Variants in WHRN observed in about 807,000 individuals in gnomAD.
WHRN encodes CASK-interacting protein CIP98.
WHRN carries 41 observed loss-of-function variants against 68.3 expected under a neutral mutation model. The ratio of observed to expected loss-of-function variants is 0.60; its 90% CI spans 0.47 to 0.78. WHRN has a LOEUF of 0.78. Ranked by LOEUF, WHRN falls within the 30% of genes least tolerant of loss-of-function variation. The pLI is 0.00. For synonymous variants in WHRN, 560 were observed against 561.3 expected (o/e 1.00, Z 0.03); for missense variants, 1,243 against 1,244.7 (o/e 1.00, Z 0.02).
At chr9:114,463,652 A>C (rs1402200073) in intron 3 of WHRN, among the ~76,000 whole-genome samples, 1 of 152,154 alleles carries the variant, frequency 6.6e-6, no homozygotes, top group African/African-American at 2.4e-5. Flanking sequence ...ATAAACAGGA[A>C]CTCTCGGCAA....
chr9:114,486,307 C>T (rs956937639), intron 1 of WHRN, among the ~76,000 whole-genome samples: 4 of 152,186 alleles, frequency 2.6e-5, no homozygotes, highest in Non-Finnish European at 5.9e-5. Context: ...TCCAGAAAAG[C>T]TTCCCAGATT....
In WHRN at chr9:114,403,292, A is replaced by G; in HGVS notation, c.2466T>C (p.Ser822=). 1 of 1,614,114 alleles carries G rather than the reference A, an allele frequency of 6.2e-7. No homozygotes were observed. The highest frequency in any genetic ancestry group is 1.1e-5 in the South Asian group (1 of 91,086). Reference sequence around the variant, plus strand: ...CGATGGCGATGCCCAGGGTGGCCGCACTTTTCTTCACACGGACCAGAGTGG... The same window carrying G: ...CGATGGCGATGCCCAGGGTGGCCGCGCTTTTCTTCACACGGACCAGAGTGG... ...PTSTLVRVKK[S]AATLGIAIEG... The change falls in exon 11 of 12, where the codon AGT becomes AGC. Residue 822 remains serine, a synonymous_variant. Transcript: ENST00000362057.
intron 1 of WHRN, among the ~76,000 whole-genome samples, chr9:114,495,941 G>T (rs1296006160): frequency 6.6e-6 from 1 of 152,154 alleles, no homozygotes; most frequent in Non-Finnish European, 1.5e-5. Flanking sequence ...CTATCCACAT[G>T]GGAGGTTAAT....
At chr9:114,487,912 T>A (rs1377582504) in intron 1 of WHRN, among the ~76,000 whole-genome samples, 6 of 152,236 alleles carry the variant, frequency 3.9e-5, no homozygotes, top group African/African-American at 1.4e-4. Flanking sequence ...TCCTTCGTGC[T>A]TTCTTCCACA....
chr9:114,467,741 G>A (rs1170937171), intron 2 of WHRN, among the ~76,000 whole-genome samples: 2 of 152,138 alleles, frequency 1.3e-5, no homozygotes, highest in Non-Finnish European at 2.9e-5. Flanking sequence ...TGTGTCTCCG[G>A]TATGAAAGAG....
chr9:114,407,815 A>T (rs1193666447), intron 8 of WHRN, 132 bp downstream of exon 8: 6 of 744,418 alleles, frequency 8.1e-6, no homozygotes, highest in Non-Finnish European at 1.4e-5. Context: ...TGGGTGTGAG[A>T]GCTCATGGCA....
chr9:114,415,273 TAA>T (rs5900085), intron 7 of WHRN, among the ~76,000 whole-genome samples: 33,394 of 145,242 alleles, frequency 0.23, 3,983 homozygotes, highest in East Asian at 0.37. Context: ...CCCTATCTCT[TAA>T]AAAAAAAAAA....
Position 114,504,861 on chromosome 9 carries a change from T to G in WHRN, c.-60A>C. ...CGGGGTGTGGGCGGTGCCGCTGTCC[T>G]CGCGGGTACTGGCGCGACAGCTGGA... is the stretch of plus-strand genomic sequence containing the variant. On this transcript the variant is annotated 5_prime_UTR_variant, in exon 1 of 12. Coordinates refer to ENST00000362057, the MANE Select transcript of WHRN (RefSeq NM_015404.4). 3.0e-6 allele frequency: 4 copies of G among 1,341,516 alleles called. No individual in the cohort carries two copies. Among genetic ancestry groups the G allele is most frequent in the Non-Finnish European group, 3.8e-6 (4 of 1,056,070 alleles). 83.1% of individuals were successfully genotyped at this position (1,341,516 alleles called of 1,614,324 possible).
At chr9:114,499,046 G>A (rs1290027923) in intron 1 of WHRN, among the ~76,000 whole-genome samples, 1 of 152,206 alleles carries the variant, frequency 6.6e-6, no homozygotes, top group Non-Finnish European at 1.5e-5. Flanking sequence ...AATGGGGGCG[G>A]CTAGCATGTG....
chr9:114,479,059 G>A (rs1841894112), intron 1 of WHRN, among the ~76,000 whole-genome samples: 3 of 152,306 alleles, frequency 2.0e-5, no homozygotes, highest in South Asian at 4.1e-4. Flanking sequence ...AGGAAGGCTC[G>A]TTTACAAGGC....
chr9:114,478,620 G>GCAC lies in WHRN; in HGVS notation c.767_769dup (p.Gly256dup). On this transcript the variant is annotated inframe_insertion, in exon 2 of 12. Coordinates refer to ENST00000362057, the MANE Select transcript of WHRN (RefSeq NM_015404.4). ...CCGGTCACCCTCCTGCTGCCTCAGG[G>GCAC]CACCACCGTGGGGCTGGGGCAGGCC... is the stretch of plus-strand genomic sequence containing the variant. The GCAC allele has an allele frequency of 1.2e-6, 2 of 1,613,990 alleles. No individual in the cohort carries two copies. Among genetic ancestry groups the GCAC allele is most frequent in the Non-Finnish European group, 1.7e-6 (2 of 1,179,960 alleles).
chr9:114,502,933 A>G (rs114742171), intron 1 of WHRN, among the ~76,000 whole-genome samples: 1,806 of 152,292 alleles, frequency 0.012, 32 homozygotes, highest in African/African-American at 0.038. Flanking sequence ...GAAACTCACA[A>G]CGAGCTTTGC....
At chr9:114,503,982 T>C (rs2133468120) in intron 1 of WHRN, among the ~76,000 whole-genome samples, 1 of 152,184 alleles carries the variant, frequency 6.6e-6, no homozygotes, top group East Asian at 1.9e-4. Flanking sequence ...GCAAGGGCCA[T>C]GTCTGTGCAG....
intron 3 of WHRN, among the ~76,000 whole-genome samples, chr9:114,426,738 G>A (rs1018444872): frequency 2.6e-5 from 4 of 152,328 alleles, no homozygotes; most frequent in Non-Finnish European, 5.9e-5. Context: ...CAAGGTGGGC[G>A]TGAAGCTGGG....
chr9:114,456,294 T>G (rs1223299622), intron 3 of WHRN, among the ~76,000 whole-genome samples: 2 of 152,174 alleles, frequency 1.3e-5, no homozygotes, highest in East Asian at 3.9e-4. Context: ...CCAGGATGTG[T>G]ATGGGAGGGG....
intron 1 of WHRN, among the ~76,000 whole-genome samples, chr9:114,493,923 C>G (rs1367255932): frequency 6.6e-6 from 1 of 152,238 alleles, no homozygotes; most frequent in Non-Finnish European, 1.5e-5. Flanking sequence ...CAGCACCACG[C>G]TGGGCTGTAT....
intron 3 of WHRN, among the ~76,000 whole-genome samples, chr9:114,443,904 T>C (rs537204071): frequency 6.6e-6 from 1 of 152,148 alleles, no homozygotes; most frequent in African/African-American, 2.4e-5. Context: ...TGGAGGAAGG[T>C]GAAAGGCACG....
chr9:114,460,934 C>A (rs1840195498), intron 3 of WHRN, among the ~76,000 whole-genome samples: 1 of 152,168 alleles, frequency 6.6e-6, no homozygotes, highest in Non-Finnish European at 1.5e-5. Flanking sequence ...TGGCAATAAA[C>A]AGAATTAATC....
At chr9:114,484,602 C>G (rs978259504) in intron 1 of WHRN, among the ~76,000 whole-genome samples, 2 of 152,182 alleles carry the variant, frequency 1.3e-5, no homozygotes, top group African/African-American at 2.4e-5. Flanking sequence ...TGTTCCCATA[C>G]CTGTTATCAC....
Sources: allele counts gnomAD v4.1 joint callset (sites outside exome capture counted in the v4.1 genomes callset), GRCh38; gene constraint gnomAD v4.1.1; transcripts MANE v1.5; gene names NCBI Gene and HGNC (gene_info 2026-07-23, HGNC 2026-07-21).